Variants in UBE2R2 observed in about 807,000 individuals in gnomAD.
The protein encoded by UBE2R2 is ubiquitin conjugating enzyme E2 R2, also known as ubiquitin-conjugating enzyme E2 R2.
A neutral mutation model predicts 27.8 loss-of-function variants in UBE2R2; 1 was observed. The observed-to-expected ratio is 0.04, with a 90% CI of 0.01 to 0.17. The LOEUF (loss-of-function observed/expected upper bound fraction) is 0.17, where lower values mean the gene tolerates loss of function less well. Among genes scored for constraint, UBE2R2 ranks in the 10% least tolerant of loss-of-function variants. The pLI, the probability that UBE2R2 is intolerant of heterozygous loss-of-function variation, is 1.00. For synonymous variants in UBE2R2, 106 were observed against 113.3 expected (o/e 0.94, Z 0.41); for missense variants, 100 against 291.0 (o/e 0.34, Z 4.78).
chr9:33,872,740 C>T (rs776222850), intron 1 of UBE2R2, among the ~76,000 whole-genome samples: 10 of 150,402 alleles, frequency 6.6e-5, no homozygotes, highest in Non-Finnish European at 1.3e-4. Flanking sequence ...GAGCCAAGAC[C>T]GCACCACTGC....
intron 1 of UBE2R2, among the ~76,000 whole-genome samples, chr9:33,878,293 G>A (rs1227088661): frequency 1.3e-5 from 2 of 152,040 alleles, no homozygotes; most frequent in Non-Finnish European, 2.9e-5. Context: ...AACTTACTGA[G>A]TAAAGTAATT....
At chr9:33,869,194 G>T (rs1286497553) in intron 1 of UBE2R2, among the ~76,000 whole-genome samples, 1 of 152,078 alleles carries the variant, frequency 6.6e-6, no homozygotes, top group African/African-American at 2.4e-5. Flanking sequence ...GCTTGAGCCC[G>T]GGAGGTCGAG....
chr9:33,880,234 A>G (rs1821703014), intron 1 of UBE2R2, among the ~76,000 whole-genome samples: 1 of 152,118 alleles, frequency 6.6e-6, no homozygotes, highest in African/African-American at 2.4e-5. Context: ...TATTATTGAA[A>G]TGAGACCTAC....
chr9:33,862,643 A>G (rs1002773904), intron 1 of UBE2R2, among the ~76,000 whole-genome samples: 2 of 152,162 alleles, frequency 1.3e-5, no homozygotes, highest in African/African-American at 4.8e-5. Flanking sequence ...CAAAAAATCT[A>G]TGAATAGTCT....
chr9:33,919,892 G>T lies in UBE2R2; in HGVS notation c.*2655G>T, dbSNP rs1393671694. On this transcript the variant is annotated 3_prime_UTR_variant, in exon 5 of 5. Transcript: ENST00000263228. ...GATGCTCTTCAGTTCTGTGTATTTTGAGGCTGGGTGGAGAAGTATATGATT... is the reference window on the plus strand; with the variant it reads ...GATGCTCTTCAGTTCTGTGTATTTTTAGGCTGGGTGGAGAAGTATATGATT... 1 of 151,852 alleles carries T rather than the reference G, an allele frequency of 6.6e-6. No individual in the cohort carries two copies. Among genetic ancestry groups the T allele is most frequent in the Admixed American group, 6.6e-5 (1 of 15,226 alleles). The allele number at this position is 151,852 out of a possible 1,614,324, so 9.4% of individuals were successfully genotyped here.
chr9:33,900,024 T>G, intron 2 of UBE2R2, 150 bp from the exon 3 acceptor site: 1 of 523,232 alleles, frequency 1.9e-6, no homozygotes. Flanking sequence ...TTAATTATTA[T>G]TTATCTTTGA....
At chr9:33,839,524 CA>C in intron 1 of UBE2R2, among the ~76,000 whole-genome samples, 1 of 152,154 alleles carries the variant, frequency 6.6e-6, no homozygotes, top group East Asian at 1.9e-4. Flanking sequence ...AGGTGTGAGC[CA>C]CCGTGCTGGG....
chr9:33,869,498 G>C (rs1431524894), intron 1 of UBE2R2, among the ~76,000 whole-genome samples: 1 of 151,644 alleles, frequency 6.6e-6, no homozygotes, highest in East Asian at 1.9e-4. Context: ...CCAGGCTGGA[G>C]TGTAATGGTG....
intron 1 of UBE2R2, among the ~76,000 whole-genome samples, chr9:33,828,077 C>T (rs1478702161): frequency 5.9e-5 from 9 of 151,730 alleles, no homozygotes; most frequent in Non-Finnish European, 1.2e-4. Context: ...CTGAGGCTGG[C>T]GGCTCACCTG....
chr9:33,899,498 C>T (rs1822197929), intron 2 of UBE2R2, among the ~76,000 whole-genome samples: 1 of 152,192 alleles, frequency 6.6e-6, no homozygotes, highest in Non-Finnish European at 1.5e-5. Context: ...CCCCAGCCTC[C>T]TGAGTAGCTG....
intron 1 of UBE2R2, among the ~76,000 whole-genome samples, chr9:33,867,983 G>C (rs1255087807): frequency 6.6e-6 from 1 of 152,172 alleles, no homozygotes; most frequent in South Asian, 2.1e-4. Context: ...TCAGCACCCT[G>C]TTCTTGTTCG....
intron 1 of UBE2R2, among the ~76,000 whole-genome samples, chr9:33,848,143 T>A (rs1019756562): frequency 6.6e-6 from 1 of 152,208 alleles, no homozygotes; most frequent in Non-Finnish European, 1.5e-5. Flanking sequence ...CAGGTTTAAA[T>A]TTTTAAAATA....
chr9:33,877,819 G>GTCTCTCTCTCTCTC (rs1435783363), intron 1 of UBE2R2, among the ~76,000 whole-genome samples: 2,274 of 92,666 alleles, frequency 0.025, 24 homozygotes, highest in Non-Finnish European at 0.034. Flanking sequence ...CTGTCTGTCT[G>GTCTCTCTCTCTCTC]TCTGTCTCTC....
chr9:33,870,466 T>G (rs1587458990), intron 1 of UBE2R2, among the ~76,000 whole-genome samples: 1 of 151,992 alleles, frequency 6.6e-6, no homozygotes, highest in South Asian at 2.1e-4. Flanking sequence ...TGTACTATGT[T>G]TGGGGAGAAT....
At chr9:33,872,501 G>T (rs760313616) in intron 1 of UBE2R2, among the ~76,000 whole-genome samples, 1 of 151,968 alleles carries the variant, frequency 6.6e-6, no homozygotes, top group African/African-American at 2.4e-5. Flanking sequence ...TTTAAAAATC[G>T]AGGCACCAGG....
chr9:33,860,887 ACACCCCACC>A (rs748356371), intron 1 of UBE2R2, among the ~76,000 whole-genome samples: 1 of 151,114 alleles, frequency 6.6e-6, no homozygotes, highest in East Asian at 1.9e-4. Flanking sequence ...ACAGACTGAG[ACACCCCACC>A]CTCCCCACCC....
chr9:33,855,661 T>C (rs1026839454), intron 1 of UBE2R2, among the ~76,000 whole-genome samples: 2 of 152,212 alleles, frequency 1.3e-5, no homozygotes, highest in Non-Finnish European at 2.9e-5. Context: ...ACTTTGAAAC[T>C]CCTAGACAGT....
chr9:33,897,684 C>CA (rs1822146819), intron 2 of UBE2R2, among the ~76,000 whole-genome samples: 1 of 151,972 alleles, frequency 6.6e-6, no homozygotes, highest in Middle Eastern at 3.2e-3. Context: ...AAGCTCATCT[C>CA]AAAGCTTCCT....
intron 1 of UBE2R2, among the ~76,000 whole-genome samples, chr9:33,820,052 T>C (rs1825948554): frequency 1.3e-5 from 2 of 152,168 alleles, no homozygotes; most frequent in African/African-American, 4.8e-5. Flanking sequence ...TTAAAATAAA[T>C]AAATGGGTAC....
Sources: allele counts gnomAD v4.1 joint callset (sites outside exome capture counted in the v4.1 genomes callset), GRCh38; gene constraint gnomAD v4.1.1; transcripts MANE v1.5; gene names NCBI Gene and HGNC (gene_info 2026-07-23, HGNC 2026-07-21).